Variants in CTNNA2 observed in about 807,000 individuals in gnomAD.
The protein encoded by CTNNA2 is catenin alpha-2.
CTNNA2 carries 42 observed loss-of-function variants against 101.0 expected under a neutral mutation model. The ratio of observed to expected loss-of-function variants is 0.42; its 90% CI spans 0.32 to 0.54. The LOEUF (loss-of-function observed/expected upper bound fraction) is 0.54, where lower values mean the gene tolerates loss of function less well. CTNNA2 is among the 20% of genes least tolerant of loss of function. CTNNA2 has a pLI of 0.14. For synonymous variants in CTNNA2, 450 were observed against 456.4 expected (o/e 0.99, Z 0.18); for missense variants, 871 against 1,223.1 (o/e 0.71, Z 4.29).
intron 1 of CTNNA2, among the ~76,000 whole-genome samples, chr2:79,514,260 A>C (rs1671686197): frequency 6.6e-6 from 1 of 152,204 alleles, no homozygotes; most frequent in African/African-American, 2.4e-5. Flanking sequence ...ATGGTTAGAC[A>C]GTTTTGGAGA....
intron 1 of CTNNA2, among the ~76,000 whole-genome samples, chr2:79,570,599 A>C (rs1362456164): frequency 1.3e-5 from 2 of 152,140 alleles, no homozygotes; most frequent in East Asian, 3.8e-4. Flanking sequence ...AATTCAGAAC[A>C]CTTTTATAAA....
intron 9 of CTNNA2, among the ~76,000 whole-genome samples, chr2:80,529,176 T>C (rs17340143): frequency 0.44 from 67,001 of 151,908 alleles, 14,848 homozygotes; most frequent in South Asian, 0.57. Context: ...CCAACTTTTA[T>C]TGGTAAGAAT....
intron 7 of CTNNA2, among the ~76,000 whole-genome samples, chr2:80,383,186 T>G (rs1676674471): frequency 6.6e-6 from 1 of 152,144 alleles, no homozygotes; most frequent in Non-Finnish European, 1.5e-5. Context: ...GTTGATAAAA[T>G]AAATCAAGGA....
At chr2:80,092,389 CCCG>C (rs1699844526) in intron 7 of CTNNA2, among the ~76,000 whole-genome samples, 1 of 152,082 alleles carries the variant, frequency 6.6e-6, no homozygotes, top group South Asian at 2.1e-4. Flanking sequence ...CAGGCATACA[CCCG>C]TCACCTCAGT....
At chr2:80,226,587 G>A (rs7567837) in intron 7 of CTNNA2, among the ~76,000 whole-genome samples, 32,022 of 152,022 alleles carry the variant, frequency 0.21, 4,969 homozygotes, top group African/African-American at 0.43. Context: ...GAGGCAGTGC[G>A]TGGCTTATAT....
At position 79,204,770 on chromosome 2, in the gene CTNNA2, G is replaced by C. The variant is rs186512102; in HGVS notation, c.-406+6694G>C. 2.6e-5 allele frequency among the ~76,000 whole-genome samples: 4 copies of C among 152,334 alleles called. No individual in the cohort carries two copies. In the South Asian group the frequency reaches 6.2e-4, roughly 24 times the overall value. On this transcript the variant is annotated intron_variant, in intron 2 of 21. Coordinates refer to the CTNNA2 transcript ENST00000466387. ...CTTCCAAGATGGTGCCTTGATTGTT[G>C]CATCCTCCAGAGAAAAGAAATGCTA...
intron 7 of CTNNA2, among the ~76,000 whole-genome samples, chr2:80,049,935 C>A (rs1051963920): frequency 5.3e-5 from 8 of 152,150 alleles, no homozygotes; most frequent in Admixed American, 4.6e-4. Flanking sequence ...TAAAGACCAA[C>A]CTGCTGAGGG....
At chr2:80,559,260 A>G (rs1816455) in intron 12 of CTNNA2, among the ~76,000 whole-genome samples, 4,374 of 152,310 alleles carry the variant, frequency 0.029, 117 homozygotes, top group East Asian at 0.1. Flanking sequence ...AGTATATTAC[A>G]AAGAAGAATC....
At chr2:80,108,109 G>A (rs952758878) in intron 7 of CTNNA2, among the ~76,000 whole-genome samples, 1 of 152,186 alleles carries the variant, frequency 6.6e-6, no homozygotes, top group Admixed American at 6.5e-5. Context: ...TCTTCCCAGA[G>A]AGTTTTCATT....
At chr2:80,578,696 T>C (rs1695273621) in intron 13 of CTNNA2, among the ~76,000 whole-genome samples, 1 of 152,224 alleles carries the variant, frequency 6.6e-6, no homozygotes, top group South Asian at 2.1e-4. Context: ...TCATGGGCTC[T>C]GAAACCGTCA....
At chr2:80,339,233 T>A (rs113246920) in intron 7 of CTNNA2, among the ~76,000 whole-genome samples, 118 of 152,284 alleles carry the variant, frequency 7.7e-4, no homozygotes, top group African/African-American at 2.7e-3. Flanking sequence ...GTTTCAATAA[T>A]CAACTCTCTT....
chr2:80,430,019 TC>T (rs1486563846), intron 9 of CTNNA2, among the ~76,000 whole-genome samples: 1 of 152,214 alleles, frequency 6.6e-6, no homozygotes, highest in Non-Finnish European at 1.5e-5. Flanking sequence ...TCAATTTTTT[TC>T]ATATGTAAGA....
At chr2:79,788,626 T>C (rs1218338025) in intron 3 of CTNNA2, among the ~76,000 whole-genome samples, 1 of 152,204 alleles carries the variant, frequency 6.6e-6, no homozygotes, top group Non-Finnish European at 1.5e-5. Flanking sequence ...GTTGCATGCA[T>C]GCATACATGT....
At chr2:79,418,029 T>C (rs546284507) in intron 4 of CTNNA2, among the ~76,000 whole-genome samples, 1 of 152,026 alleles carries the variant, frequency 6.6e-6, no homozygotes, top group South Asian at 2.1e-4. Flanking sequence ...GGTAGGCGGA[T>C]AGGGTATGGG....
At chr2:80,003,496 C>T (rs1693109883) in intron 7 of CTNNA2, among the ~76,000 whole-genome samples, 1 of 152,160 alleles carries the variant, frequency 6.6e-6, no homozygotes, top group Non-Finnish European at 1.5e-5. Context: ...ACAATGGGCA[C>T]TGTGCCTCAG....
intron 17 of CTNNA2, among the ~76,000 whole-genome samples, chr2:80,611,208 G>T (rs1054524973): frequency 2.1e-5 from 3 of 144,248 alleles, no homozygotes; most frequent in African/African-American, 8.1e-5. Flanking sequence ...TCTATAAATT[G>T]GCTTTATTTA....
rs370882822 is a variant in CTNNA2 at position 79,498,577 on chromosome 2, C to T, written c.-134-6477C>T. Among the ~76,000 whole-genome samples the T allele has an allele frequency of 7.0e-4, 106 of 152,092 alleles. 1 individual carries two copies. The highest frequency in any genetic ancestry group is 2.5e-3 in the African/African-American group (103 of 41,464). ...CCTTGATTGGCACCTTTATCTTAAC[C>T]GCTGCCTCGGAGCAATTAAAAAAAA... is the stretch of plus-strand genomic sequence containing the variant. On this transcript the variant is annotated intron_variant, in intron 4 of 21. Coordinates refer to the CTNNA2 transcript ENST00000466387.
At chr2:80,486,646 G>A (rs142247053) in intron 9 of CTNNA2, among the ~76,000 whole-genome samples, 1,857 of 152,054 alleles carry the variant, frequency 0.012, 28 homozygotes, top group Non-Finnish European at 0.019. Flanking sequence ...GGTACATTTT[G>A]TCTGTACTAT....
chr2:79,964,876 A>G (rs1689924568), intron 7 of CTNNA2, among the ~76,000 whole-genome samples: 1 of 152,046 alleles, frequency 6.6e-6, no homozygotes, highest in African/African-American at 2.4e-5. Context: ...CCCTTTTTCC[A>G]GTTTCTCTAA....
Sources: allele counts gnomAD v4.1 joint callset (sites outside exome capture counted in the v4.1 genomes callset), GRCh38; gene constraint gnomAD v4.1.1; transcripts MANE v1.5; gene names NCBI Gene and HGNC (gene_info 2026-07-23, HGNC 2026-07-21).